The following OSBPL1A variants were observed in gnomAD, a reference collection of about 807,000 sequenced individuals.
OSBPL1A encodes the protein oxysterol-binding protein-related protein 1.
OSBPL1A carries 80 observed loss-of-function variants against 137.1 expected under a neutral mutation model. The observed-to-expected ratio is 0.58, with a 90% CI of 0.49 to 0.70. OSBPL1A has a LOEUF of 0.70. Among genes scored for constraint, OSBPL1A ranks in the 30% least tolerant of loss-of-function variants. The probability of loss-of-function intolerance (pLI) is 0.00; values close to 1 mark genes in which losing one functional copy is unlikely to be tolerated. For synonymous variants in OSBPL1A, 365 were observed against 389.7 expected, an observed-to-expected ratio of 0.94 and a Z score of 0.75; for missense variants, 970 against 1,129.4, an observed-to-expected ratio of 0.86 and a Z score of 2.02.
intron 17 of OSBPL1A, among the ~76,000 whole-genome samples, chr18:24,220,576 T>C (rs1045256328): frequency 3.3e-5 from 5 of 152,154 alleles, no homozygotes; most frequent in African/African-American, 1.2e-4. Flanking sequence ...CTTGCTCTTT[T>C]CCTTACTGCT....
chr18:24,231,566 G>A (rs1016136513), intron 16 of OSBPL1A, among the ~76,000 whole-genome samples: 5 of 152,198 alleles, frequency 3.3e-5, no homozygotes, highest in African/African-American at 1.2e-4. Context: ...AGGATTACAG[G>A]TGTAAGCCAC....
intron 14 of OSBPL1A, among the ~76,000 whole-genome samples, chr18:24,288,760 G>T (rs2090118309): frequency 9.5e-6 from 1 of 105,600 alleles, no homozygotes. Flanking sequence ...GAGCAAGACT[G>T]TCTCAAAAAA....
intron 17 of OSBPL1A, among the ~76,000 whole-genome samples, chr18:24,216,677 C>T (rs2087712472): frequency 6.6e-6 from 1 of 152,062 alleles, no homozygotes; most frequent in South Asian, 2.1e-4. Flanking sequence ...ACTTCCAAAA[C>T]TCAAACATCT....
intron 17 of OSBPL1A, among the ~76,000 whole-genome samples, chr18:24,197,786 CTTTTTTTTT>C (rs1043369707): frequency 8.1e-6 from 1 of 122,816 alleles, no homozygotes; most frequent in African/African-American, 3.2e-5. Flanking sequence ...CTTTTCTTTT[CTTTTTTTTT>C]TTTTTTTTTG....
intron 15 of OSBPL1A, among the ~76,000 whole-genome samples, chr18:24,270,470 T>G (rs1388232628): frequency 6.6e-6 from 1 of 152,166 alleles, no homozygotes; most frequent in Non-Finnish European, 1.5e-5. Flanking sequence ...AATTTAACCT[T>G]TAAAGGGTTT....
intron 4 of OSBPL1A, among the ~76,000 whole-genome samples, chr18:24,344,892 C>A (rs2146161637): frequency 6.6e-6 from 1 of 152,238 alleles, no homozygotes; most frequent in Non-Finnish European, 1.5e-5. Flanking sequence ...CGGCTCACTG[C>A]AGCCTTGACC....
intron 15 of OSBPL1A, chr18:24,272,111 A>C: frequency 1.0e-6 from 1 of 983,382 alleles, no homozygotes; most frequent in Non-Finnish European, 1.2e-6. Flanking sequence ...GGAAGCCTGC[A>C]CGGCCCTCCG....
At chr18:24,395,766 C>T (rs75861573) in intron 1 of OSBPL1A, among the ~76,000 whole-genome samples, 18 of 151,730 alleles carry the variant, frequency 1.2e-4, no homozygotes, top group Non-Finnish European at 2.6e-4. Flanking sequence ...GAATTACAGG[C>T]GCCCACTACC....
intron 12 of OSBPL1A, among the ~76,000 whole-genome samples, chr18:24,313,966 G>A (rs117006166): frequency 0.05 from 7,570 of 151,914 alleles, 242 homozygotes; most frequent in East Asian, 0.16. Flanking sequence ...TTAGCCAGGC[G>A]TATTGGCACG....
intron 18 of OSBPL1A, among the ~76,000 whole-genome samples, chr18:24,192,555 G>A (rs1187788502): frequency 6.6e-6 from 1 of 152,148 alleles, no homozygotes; most frequent in Non-Finnish European, 1.5e-5. Context: ...AAACAGACTG[G>A]GAGAAGAAAA....
At chr18:24,226,608 T>G (rs2088084588) in intron 16 of OSBPL1A, among the ~76,000 whole-genome samples, 1 of 152,200 alleles carries the variant, frequency 6.6e-6, no homozygotes, top group Non-Finnish European at 1.5e-5. Flanking sequence ...AACGTTTTAG[T>G]GCTTTCTTTT....
At chr18:24,369,024 A>G (rs1905398618) in intron 2 of OSBPL1A, among the ~76,000 whole-genome samples, 1 of 152,144 alleles carries the variant, frequency 6.6e-6, no homozygotes, top group East Asian at 1.9e-4. Flanking sequence ...CCTCCCTGTC[A>G]AGCTTCCTGG....
chr18:24,308,829 C>T (rs1168001278), intron 13 of OSBPL1A, among the ~76,000 whole-genome samples: 1 of 152,012 alleles, frequency 6.6e-6, no homozygotes. Flanking sequence ...GTGGCACAAT[C>T]TCACCTCACT....
At position 24,260,379 on chromosome 18, in the gene OSBPL1A, T is replaced by C. The variant is rs114388783; in HGVS notation, c.1281+20463A>G. Among the ~76,000 whole-genome samples, 292 of 152,330 alleles carry C rather than the reference T, an allele frequency of 1.9e-3. 1 individual carries two copies. Among genetic ancestry groups the C allele is most frequent in the African/African-American group, 6.9e-3 (287 of 41,572 alleles). ...TGCAAAAACATTCACAGCATTACTA[T>C]TTGCAACAGCCAAAAGGTAGAAACA... On this transcript the variant is annotated intron_variant, in intron 15 of 27. Transcript: ENST00000319481.
At chr18:24,365,827 C>T (rs1019993796) in intron 4 of OSBPL1A, among the ~76,000 whole-genome samples, 3 of 152,186 alleles carry the variant, frequency 2.0e-5, no homozygotes, top group Non-Finnish European at 4.4e-5. Flanking sequence ...TTCCTCTGCT[C>T]TCCTACTACA....
At chr18:24,304,395 T>A (rs2090462407) in intron 13 of OSBPL1A, among the ~76,000 whole-genome samples, 1 of 152,180 alleles carries the variant, frequency 6.6e-6, no homozygotes, top group Non-Finnish European at 1.5e-5. Flanking sequence ...GATTTAGAAA[T>A]CCAAAATGAA....
At chr18:24,220,986 G>T (rs2087870819) in intron 17 of OSBPL1A, among the ~76,000 whole-genome samples, 1 of 152,000 alleles carries the variant, frequency 6.6e-6, no homozygotes, top group South Asian at 2.1e-4. Flanking sequence ...TCGCCACATT[G>T]GCCAGGCTGG....
chr18:24,207,737 T>C (rs2087415665), intron 17 of OSBPL1A, among the ~76,000 whole-genome samples: 1 of 152,140 alleles, frequency 6.6e-6, no homozygotes, highest in South Asian at 2.1e-4. Context: ...TCACCTCTCT[T>C]CTCAACTATC....
intron 18 of OSBPL1A, among the ~76,000 whole-genome samples, chr18:24,185,630 T>A (rs570696960): frequency 6.6e-6 from 1 of 152,068 alleles, no homozygotes; most frequent in Admixed American, 6.6e-5. Flanking sequence ...GGTTCACCGA[T>A]TGTAACAAAT....
Sources: gnomAD v4.1 joint callset for allele counts (sites outside exome capture counted in the v4.1 genomes callset) on GRCh38, gnomAD v4.1.1 for gene constraint, MANE v1.5 for transcripts, NCBI Gene and HGNC (gene_info 2026-07-23, HGNC 2026-07-21) for gene names.